SPATS2: variants seen among roughly 807,000 people sequenced by gnomAD.
SPATS2 encodes spermatogenesis associated serine rich 2.
SPATS2 carries 38 observed loss-of-function variants against 63.7 expected under a neutral mutation model. The observed-to-expected ratio is 0.60, with a 90% CI of 0.46 to 0.78. The LOEUF (loss-of-function observed/expected upper bound fraction) is 0.78, where lower values mean the gene tolerates loss of function less well. SPATS2 is among the 30% of genes least tolerant of loss of function. The pLI, the probability that SPATS2 is intolerant of heterozygous loss-of-function variation, is 0.00. For missense variants in SPATS2, 588 were observed against 666.2 expected (o/e 0.88, Z 1.29); for synonymous variants, 207 against 232.9 (o/e 0.89, Z 1.01).
rs569456511 is a variant in SPATS2, at chr12:49,496,267, G to GTTGTTTGTTTGTTTGT, written c.527-555_527-540dup. On this transcript the variant is annotated intron_variant, in intron 7 of 13. Coordinates refer to ENST00000552918, the MANE Select transcript of SPATS2 (RefSeq NM_023071.4). The stretch of plus-strand genomic sequence containing the variant: ...TTACACTTCTATCCCCTAGAGCGTT[G>GTTGTTTGTTTGTTTGT]TTGTTTGTTTGTTTGTTTGTTTGTT... Among the ~76,000 whole-genome samples, 33 of 152,018 alleles carry GTTGTTTGTTTGTTTGT rather than the reference G, an allele frequency of 2.2e-4. No homozygotes were observed. The South Asian group carries it at 6.2e-3, about 29-fold the overall frequency.
Position 49,525,932 on chromosome 12 carries a change from T to A in SPATS2, c.1327-12T>A. The A allele has an allele frequency of 1.2e-6, 2 of 1,610,434 alleles. No homozygotes were observed. The highest frequency in any genetic ancestry group is 1.7e-6 in the Non-Finnish European group (2 of 1,177,788). On this transcript the variant is annotated splice_polypyrimidine_tract_variant and intron_variant, in intron 13 of 13. Coordinates refer to ENST00000552918, the MANE Select transcript of SPATS2 (RefSeq NM_023071.4). The stretch of plus-strand genomic sequence containing the variant: ...CTAGAGCACCTTGAACATTGTATTC[T>A]TTCATCTTTAGGTATTGCCAGGGAA...
intron 9 of SPATS2, chr12:49,513,023 A>G (rs1946776914): frequency 2.8e-6 from 2 of 725,136 alleles, no homozygotes; most frequent in African/African-American, 1.8e-5. Context: ...AAGTCTGTTT[A>G]TTAACATCAT....
intron 6 of SPATS2, among the ~76,000 whole-genome samples, chr12:49,492,559 GT>G: frequency 6.6e-6 from 1 of 152,092 alleles, no homozygotes; most frequent in Non-Finnish European, 1.5e-5. Context: ...AGGATTATAA[GT>G]TACTAGTGAT....
intron 13 of SPATS2, among the ~76,000 whole-genome samples, chr12:49,525,662 C>T (rs537668137): frequency 5.3e-5 from 8 of 152,230 alleles, no homozygotes; most frequent in African/African-American, 1.9e-4. Flanking sequence ...TTGTAACAAC[C>T]CAGAGAATGT....
intron 6 of SPATS2, 84 bp downstream of exon 6, chr12:49,490,815 G>A: frequency 7.8e-7 from 1 of 1,274,334 alleles, no homozygotes; most frequent in Non-Finnish European, 1.1e-6. Flanking sequence ...TGAAAGAAAA[G>A]GTTCACATAC....
rs577139189 is a variant in SPATS2 at position 49,497,817 on chromosome 12, G to A, written c.703+808G>A. Among the ~76,000 whole-genome samples the A allele has an allele frequency of 6.6e-5, 10 of 151,738 alleles. No homozygotes were observed. In the East Asian group the frequency reaches 1.4e-3, roughly 21 times the overall value. On this transcript the variant is annotated intron_variant, in intron 8 of 13. Transcript: ENST00000552918. ...GGTCATTTTCTCTTAAGTATGTGGCGTTGACTGGTGATAGCTCTTTGCTTA... is the reference window on the plus strand; with the variant it reads ...GGTCATTTTCTCTTAAGTATGTGGCATTGACTGGTGATAGCTCTTTGCTTA...
chr12:49,384,813 AT>A (rs537203549), intron 2 of SPATS2, among the ~76,000 whole-genome samples: 75 of 143,014 alleles, frequency 5.2e-4, no homozygotes, highest in Admixed American at 9.8e-4. Flanking sequence ...AAAATCTTTC[AT>A]TTTTTTTTTT....
At chr12:49,383,661 T>TAA (rs1030941932) in intron 2 of SPATS2, among the ~76,000 whole-genome samples, 14 of 152,294 alleles carry the variant, frequency 9.2e-5, no homozygotes, top group African/African-American at 3.4e-4. Context: ...CTCAGCCTCT[T>TAA]AAAGTGTTGC....
At chr12:49,519,607 C>T (rs1041929717) in intron 11 of SPATS2, among the ~76,000 whole-genome samples, 1 of 125,228 alleles carries the variant, frequency 8.0e-6, no homozygotes, top group Non-Finnish European at 1.6e-5. Flanking sequence ...CTGCTTCAAA[C>T]TTTCTGTTGC....
At chr12:49,370,078 A>G (rs1449164833) in intron 1 of SPATS2, among the ~76,000 whole-genome samples, 1 of 152,156 alleles carries the variant, frequency 6.6e-6, no homozygotes, top group Non-Finnish European at 1.5e-5. Context: ...GACAGGAGGG[A>G]ATTTTCGTTT....
rs1187906879 is a variant in SPATS2, at chr12:49,489,509, A to T, written c.150A>T (p.Glu50Asp). 1 of 1,613,930 alleles carries T rather than the reference A, an allele frequency of 6.2e-7. No homozygotes were observed. The highest frequency in any genetic ancestry group is 1.1e-5 in the South Asian group (1 of 91,068). ...TAGTTCCTAATAAGAGCAACAATGA[A>T]ATTATCCTGGTTTTGCAGCACTTTG... The part of the protein sequence containing the change: ...RAIVPNKSNN[E>D]IILVLQHFDN... Residue 50 changes from glutamate to aspartate, a missense_variant, in exon 5 of 14, where the codon GAA becomes GAT. Glu to Asp is a conservative substitution (Grantham distance 45). Transcript: ENST00000552918.
At chr12:49,494,472 A>G (rs1946432780) in intron 6 of SPATS2, among the ~76,000 whole-genome samples, 2 of 151,928 alleles carry the variant, frequency 1.3e-5, no homozygotes, top group Non-Finnish European at 2.9e-5. Context: ...ACATTTTGTA[A>G]TTTATCTTTT....
At chr12:49,401,615 A>G (rs958212426) in intron 2 of SPATS2, among the ~76,000 whole-genome samples, 4 of 152,332 alleles carry the variant, frequency 2.6e-5, no homozygotes, top group East Asian at 1.9e-4. Flanking sequence ...TACCATTACC[A>G]TACTAAAAGA....
chr12:49,394,684 C>T (rs971152577), intron 2 of SPATS2, among the ~76,000 whole-genome samples: 3 of 151,626 alleles, frequency 2.0e-5, no homozygotes, highest in Admixed American at 1.3e-4. Flanking sequence ...CTGTATTGAC[C>T]TTGTATCCTG....
intron 2 of SPATS2, among the ~76,000 whole-genome samples, chr12:49,399,114 G>T (rs185761796): frequency 6.6e-6 from 1 of 150,912 alleles, no homozygotes; most frequent in Non-Finnish European, 1.5e-5. Flanking sequence ...ATACGTTTTC[G>T]TGTCTTTTTT....
At position 49,522,786 on chromosome 12, in the gene SPATS2, GGGACGAGTAGCCC is replaced by G; in HGVS notation, c.1047_1059del (p.Arg350SerfsTer5). 1 of 1,613,860 alleles carries G rather than the reference GGGACGAGTAGCCC, an allele frequency of 6.2e-7. No homozygotes were observed. The highest frequency in any genetic ancestry group is 8.5e-7 in the Non-Finnish European group (1 of 1,179,794). ...GTGAACGTAAATATGATGAGGATCT[GGGACGAGTAGCCC>G]GGTTCACCTGTGATGTAGAGACCCT... On this transcript the variant is annotated frameshift_variant, in exon 12 of 14. Coordinates refer to ENST00000552918, the MANE Select transcript of SPATS2 (RefSeq NM_023071.4). LOFTEE classifies it high-confidence loss of function.
chr12:49,477,733 A>G (rs1242577414), intron 3 of SPATS2, among the ~76,000 whole-genome samples: 1 of 152,222 alleles, frequency 6.6e-6, no homozygotes, highest in African/African-American at 2.4e-5. Context: ...TAGAAGTCCT[A>G]CAAAATGGCA....
chr12:49,453,505 T>A (rs554992674), intron 2 of SPATS2, among the ~76,000 whole-genome samples: 24 of 152,286 alleles, frequency 1.6e-4, no homozygotes, highest in African/African-American at 4.8e-4. Flanking sequence ...ACATATTTTT[T>A]AAATTATTAT....
intron 7 of SPATS2, among the ~76,000 whole-genome samples, chr12:49,495,398 C>T (rs1270375901): frequency 1.3e-5 from 2 of 152,022 alleles, no homozygotes; most frequent in East Asian, 1.9e-4. Context: ...GGGGTTTCAC[C>T]GTGTTAGCCA....
Sources: allele counts gnomAD v4.1 joint callset (sites outside exome capture counted in the v4.1 genomes callset), GRCh38; gene constraint gnomAD v4.1.1; transcripts MANE v1.5; gene names NCBI Gene and HGNC (gene_info 2026-07-23, HGNC 2026-07-21).